PTK2: variants seen among roughly 807,000 people sequenced by gnomAD.
The protein encoded by PTK2 is protein tyrosine kinase 2.
Under a neutral mutation model 150.1 loss-of-function variants are expected in PTK2, and 45 were observed. The observed-to-expected ratio is 0.30, with a 90% confidence interval of 0.24 to 0.38. The LOEUF (loss-of-function observed/expected upper bound fraction) is 0.38. Ranked by LOEUF, PTK2 falls within the 10% of genes least tolerant of loss-of-function variation. PTK2 has a pLI of 1.00. For missense variants in PTK2, 919 were observed against 1,307.3 expected, an observed-to-expected ratio of 0.70 and a Z score of 4.58; for synonymous variants, 432 against 449.2, an observed-to-expected ratio of 0.96 and a Z score of 0.48.
At chr8:140,850,760 G>A (rs2100128811) in intron 5 of PTK2, among the ~76,000 whole-genome samples, 1 of 151,996 alleles carries the variant, frequency 6.6e-6, no homozygotes, top group African/African-American at 2.4e-5. Context: ...AACTAGGATG[G>A]ATTTGGACTT....
Position 140,945,502 on chromosome 8 carries a change from T to C in PTK2, c.-121-19753A>G, listed in dbSNP as rs142571134. Among the ~76,000 whole-genome samples the C allele has an allele frequency of 5.7e-3, 864 of 152,206 alleles. 8 individuals carry two copies. The highest frequency in any genetic ancestry group is 0.02 in the African/African-American group (830 of 41,542). ...TTGGGAGGTTGAGGCAGGAGGATCA[T>C]TTGAACCCAGGAGTTTAAGGTTACA... is the stretch of plus-strand genomic sequence containing the variant. On this transcript the variant is annotated intron_variant, in intron 1 of 31. Coordinates refer to ENST00000522684, the Ensembl canonical transcript of PTK2.
chr8:140,796,450 ATTG>A (rs1162429958), intron 12 of PTK2, among the ~76,000 whole-genome samples: 1 of 152,114 alleles, frequency 6.6e-6, no homozygotes, highest in African/African-American at 2.4e-5. Context: ...TCACACCCAA[ATTG>A]TTAATAATAT....
At chr8:140,960,501 G>C (rs1045602353) in intron 1 of PTK2, among the ~76,000 whole-genome samples, 3 of 151,914 alleles carry the variant, frequency 2.0e-5, no homozygotes, top group African/African-American at 7.3e-5. Flanking sequence ...AGCCACCGCG[G>C]CTGGCCCATT....
intron 5 of PTK2, among the ~76,000 whole-genome samples, chr8:140,848,866 G>C (rs1184471277): frequency 6.6e-6 from 1 of 152,020 alleles, no homozygotes; most frequent in Non-Finnish European, 1.5e-5. Context: ...GATTTCAGAG[G>C]AACTACTGCA....
At chr8:140,878,177 A>T (rs1163648390) in intron 4 of PTK2, among the ~76,000 whole-genome samples, 1 of 152,250 alleles carries the variant, frequency 6.6e-6, no homozygotes, top group Non-Finnish European at 1.5e-5. Flanking sequence ...CTAGCCATTG[A>T]TGTGAACCAA....
At position 140,744,786 on chromosome 8, in the gene PTK2, AAAG is replaced by A. The variant is rs754424382; in HGVS notation, c.1519-22_1519-20del. On this transcript the variant is annotated intron_variant, in intron 18 of 31. Coordinates refer to ENST00000522684, the Ensembl canonical transcript of PTK2. ...ACCTCAGCTTTTGGAACAATGACCA[AAAG>A]AAAAAAAAAAAAAAAAGAATTAGTG... 2.9e-6 allele frequency: 4 copies of A among 1,375,706 alleles called. No individual in the cohort carries two copies. The highest frequency in any genetic ancestry group is 2.6e-5 in the South Asian group (2 of 77,244). 85.2% of individuals were successfully genotyped at this position (1,375,706 alleles called of 1,614,324 possible). A position where few individuals can be genotyped will look rare whatever the true frequency, so the allele number is the denominator to read the frequency against.
intron 1 of PTK2, among the ~76,000 whole-genome samples, chr8:140,932,516 T>C (rs1329480643): frequency 6.6e-6 from 1 of 152,124 alleles, no homozygotes; most frequent in East Asian, 1.9e-4. Context: ...ATTTCTTTTT[T>C]CAGGGACCAG....
chr8:140,836,019 G>A (rs2100118474), intron 7 of PTK2, among the ~76,000 whole-genome samples: 1 of 152,062 alleles, frequency 6.6e-6, no homozygotes, highest in African/African-American at 2.4e-5. Context: ...TGAGCTGCTG[G>A]GATAGGGTCC....
At chr8:140,676,607 TGGGGGCGGG>T (rs1427776314) in intron 27 of PTK2, among the ~76,000 whole-genome samples, 6 of 68,070 alleles carry the variant, frequency 8.8e-5, no homozygotes, top group Admixed American at 6.9e-4. Flanking sequence ...CCGCGGTCGG[TGGGGGCGGG>T]GGGAACAGCG....
chr8:140,976,123 A>G (rs2100189184), intron 1 of PTK2, among the ~76,000 whole-genome samples: 1 of 152,242 alleles, frequency 6.6e-6, no homozygotes, highest in Non-Finnish European at 1.5e-5. Flanking sequence ...CTTGAGAAGC[A>G]CAGAAACTAA....
intron 24 of PTK2, among the ~76,000 whole-genome samples, chr8:140,703,166 G>A (rs867280776): frequency 5.3e-5 from 8 of 152,248 alleles, no homozygotes; most frequent in Middle Eastern, 6.8e-3. Context: ...TAATTGGGAG[G>A]CTAAGGCAGG....
chr8:140,993,135 AT>A (rs890682454), intron 1 of PTK2, among the ~76,000 whole-genome samples: 7 of 152,136 alleles, frequency 4.6e-5, no homozygotes, highest in Admixed American at 2.6e-4. Context: ...GCAGAGCAAT[AT>A]TTTTTTCCTG....
chr8:140,835,559 C>T (rs1461981507), intron 7 of PTK2, among the ~76,000 whole-genome samples: 1 of 152,134 alleles, frequency 6.6e-6, no homozygotes, highest in Non-Finnish European at 1.5e-5. Flanking sequence ...TATCTAACTG[C>T]AACAGAGATT....
chr8:140,852,234 C>A (rs1253679677), intron 5 of PTK2, among the ~76,000 whole-genome samples: 3 of 152,188 alleles, frequency 2.0e-5, no homozygotes, highest in Admixed American at 2.0e-4. Context: ...AATGCACACC[C>A]TGTTGGTAGG....
chr8:140,732,946 G>C (rs1396018310), intron 22 of PTK2, among the ~76,000 whole-genome samples: 1 of 152,200 alleles, frequency 6.6e-6, no homozygotes, highest in Non-Finnish European at 1.5e-5. Flanking sequence ...TACTGTGTGT[G>C]AAAGGGATGA....
At chr8:140,703,188 G>A (rs2100031727) in intron 24 of PTK2, among the ~76,000 whole-genome samples, 2 of 152,070 alleles carry the variant, frequency 1.3e-5, no homozygotes, top group South Asian at 2.1e-4. Context: ...GAATGAACCC[G>A]GGAGGCGGAG....
At chr8:140,841,121 A>T (rs981627529) in intron 7 of PTK2, among the ~76,000 whole-genome samples, 1 of 152,182 alleles carries the variant, frequency 6.6e-6, no homozygotes, top group Non-Finnish European at 1.5e-5. Flanking sequence ...AGTCATTATC[A>T]CAGATGGGTA....
At chr8:140,806,558 A>G (rs1037087517) in intron 10 of PTK2, among the ~76,000 whole-genome samples, 3 of 152,166 alleles carry the variant, frequency 2.0e-5, no homozygotes, top group African/African-American at 4.8e-5. Flanking sequence ...CATCTAGGTT[A>G]TGGAAATTAT....
intron 7 of PTK2, among the ~76,000 whole-genome samples, chr8:140,843,551 T>C (rs961894311): frequency 2.6e-5 from 4 of 151,820 alleles, no homozygotes; most frequent in African/African-American, 7.2e-5. Flanking sequence ...GATGATCACA[T>C]GTGTTCCTGG....
Sources: gnomAD v4.1 joint callset for allele counts (sites outside exome capture counted in the v4.1 genomes callset) on GRCh38, gnomAD v4.1.1 for gene constraint, MANE v1.5 for transcripts, NCBI Gene and HGNC (gene_info 2026-07-23, HGNC 2026-07-21) for gene names.